RXRA: variants seen among roughly 807,000 people sequenced by gnomAD.
The protein encoded by RXRA is retinoic acid receptor RXR-alpha.
A neutral mutation model predicts 44.5 loss-of-function variants in RXRA; 5 were observed. The observed-to-expected ratio is 0.11, with a 90% CI of 0.06 to 0.24. The LOEUF is 0.24. RXRA is among the 10% of genes least tolerant of loss of function. The pLI is 1.00. For missense variants in RXRA, 412 were observed against 646.5 expected, an observed-to-expected ratio of 0.64 and a Z score of 3.93; for synonymous variants, 291 against 271.4, an observed-to-expected ratio of 1.07 and a Z score of -0.71.
At position 134,407,882 on chromosome 9, in the gene RXRA, G is replaced by A. The variant is rs1257184063; in HGVS notation, c.280-267G>A. On this transcript the variant is annotated intron_variant, in intron 2 of 9. Coordinates refer to ENST00000481739, the MANE Select transcript of RXRA (RefSeq NM_002957.6). The surrounding 1 kb of genome is among the most constrained non-coding windows in gnomAD (Gnocchi z 4.8). ...CAGGGACCGCCCATGTGTTGGGGGG[G>A]GTGTTGAAGGTCCTTTTCCACAGAG... Among the ~76,000 whole-genome samples, 1 of 152,052 alleles carries A rather than the reference G, an allele frequency of 6.6e-6. No individual in the cohort carries two copies. The highest frequency in any genetic ancestry group is 2.4e-5 in the African/African-American group (1 of 41,406).
intron 1 of RXRA, among the ~76,000 whole-genome samples, chr9:134,380,838 G>A (rs1451684344): frequency 6.6e-6 from 1 of 152,176 alleles, no homozygotes; most frequent in African/African-American, 2.4e-5. Context: ...GAGGTAAGGG[G>A]CTTTGAGCTG....
At position 134,435,890 on chromosome 9, in the gene RXRA, C is replaced by A. The variant is rs560586437; in HGVS notation, c.1242-577C>A. 1.2e-4 allele frequency among the ~76,000 whole-genome samples: 18 copies of A among 152,332 alleles called. No homozygotes were observed. The South Asian group carries it at 3.3e-3, about 28-fold the overall frequency. On this transcript the variant is annotated intron_variant, in intron 9 of 9. Transcript: ENST00000481739. ...CCACAGTTTTTCATTTTTTGAGAGA[C>A]AGTCTGGCTGTGTCGCCCAGGCTGG...
At chr9:134,367,530 G>A (rs1382793188) in intron 1 of RXRA, among the ~76,000 whole-genome samples, 4 of 152,258 alleles carry the variant, frequency 2.6e-5, no homozygotes, top group African/African-American at 9.6e-5. Flanking sequence ...GAGGTTCAGT[G>A]GTCGAGGAGC....
At chr9:134,326,905 G>C (rs1195250444) in intron 1 of RXRA, among the ~76,000 whole-genome samples, 1 of 149,608 alleles carries the variant, frequency 6.7e-6, no homozygotes, top group Non-Finnish European at 1.5e-5. Context: ...CGGGTGGCAG[G>C]TTCGCCCGGG....
rs1304912793 is a variant in RXRA, at chr9:134,417,186, G to A, written c.639G>A (p.Lys213=). 6.2e-7 allele frequency: 1 copy of A among 1,613,002 alleles called. No homozygotes were observed. Among genetic ancestry groups the A allele is most frequent in the East Asian group, 2.2e-5 (1 of 44,876 alleles). The change falls in exon 5 of 10, where the codon AAG becomes AAA. Residue 213 remains lysine (K), a synonymous_variant. Transcript: ENST00000481739. This position sits in a 1 kb window ranked among gnomAD's most constrained non-coding sequence, Gnocchi z 6.1. ...TGCAGGAGGAGCGGCAGCGTGGCAA[G>A]GACCGGAACGAGAATGAGGTGGAGT... ...EAVQEERQRG[K]DRNENEVEST...
chr9:134,359,012 A>G (rs949208122), intron 1 of RXRA, among the ~76,000 whole-genome samples: 1 of 152,192 alleles, frequency 6.6e-6, no homozygotes, highest in African/African-American at 2.4e-5. Flanking sequence ...AACAGGGTCC[A>G]GGGAGCATTC....
chr9:134,351,212 G>A (rs563037643), intron 1 of RXRA, among the ~76,000 whole-genome samples: 2 of 152,374 alleles, frequency 1.3e-5, no homozygotes, highest in African/African-American at 4.8e-5. Flanking sequence ...GAGGTGGCAG[G>A]TCTGGGGCTA....
intron 1 of RXRA, among the ~76,000 whole-genome samples, chr9:134,335,743 C>G (rs10881577): frequency 1.3e-5 from 2 of 152,014 alleles, no homozygotes; most frequent in African/African-American, 2.4e-5. Context: ...TGACTCCTAC[C>G]GGCGCCCATG....
chr9:134,330,938 C>T (rs1554746559), intron 1 of RXRA, among the ~76,000 whole-genome samples: 1 of 152,236 alleles, frequency 6.6e-6, no homozygotes, highest in Non-Finnish European at 1.5e-5. Context: ...TATCCTGTGG[C>T]TAGGTCCTCT....
intron 6 of RXRA, among the ~76,000 whole-genome samples, chr9:134,427,627 C>T (rs1831456397): frequency 6.6e-6 from 1 of 152,200 alleles, no homozygotes; most frequent in South Asian, 2.1e-4. Context: ...TGGGATTACT[C>T]AGTTGTGAAA....
chr9:134,422,314 G>T (rs1190623087), intron 6 of RXRA: 1 of 1,282,286 alleles, frequency 7.8e-7, no homozygotes, highest in South Asian at 1.2e-5. Flanking sequence ...CCCTTTCCCG[G>T]GACACTCCCC....
At chr9:134,430,659 GGTGCAGT>G (rs750508998) in intron 7 of RXRA, among the ~76,000 whole-genome samples, 3 of 152,212 alleles carry the variant, frequency 2.0e-5, no homozygotes, top group Admixed American at 6.5e-5. Flanking sequence ...GGGGCTGCAG[GGTGCAGT>G]GTGCAGTGTG....
Position 134,387,660 on chromosome 9 carries a change from C to T in RXRA, c.29-13972C>T, listed in dbSNP as rs531749589. 4.1e-4 allele frequency among the ~76,000 whole-genome samples: 63 copies of T among 152,366 alleles called. 1 individual carries two copies. In the East Asian group the frequency reaches 0.012, roughly 29 times the overall value. ...CGCAGTCCTTGACCAGGACCACCTG[C>T]CTCACAGAGCCGTCCATGAGCGTTC... is the stretch of plus-strand genomic sequence containing the variant. On this transcript the variant is annotated intron_variant, in intron 1 of 9. Transcript: ENST00000481739.
rs764586715 is a variant in RXRA at position 134,401,792 on chromosome 9, G to A, written c.189G>A (p.Pro63=). 7 of 1,612,986 alleles carry A rather than the reference G, an allele frequency of 4.3e-6. No homozygotes were observed. Among genetic ancestry groups the A allele is most frequent in the African/African-American group, 1.3e-5 (1 of 74,906 alleles). The part of the protein sequence containing the change: ...TLSSPINGMG[P]PFSVISSPMG... ...GCTCCCCCATCAACGGCATGGGCCC[G>A]CCTTTCTCGGTCATCAGCTCCCCCA... is the stretch of plus-strand genomic sequence containing the variant. The change falls in exon 2 of 10, where the codon CCG becomes CCA. Residue 63 remains proline (P), a synonymous_variant. Transcript: ENST00000481739.
chr9:134,331,879 A>C (rs1554746691), intron 1 of RXRA, among the ~76,000 whole-genome samples: 1 of 152,138 alleles, frequency 6.6e-6, no homozygotes, highest in African/African-American at 2.4e-5. Flanking sequence ...CCTGCCTCTC[A>C]GCATCCTCAG....
intron 6 of RXRA, chr9:134,422,523 C>A (rs1831362489): frequency 8.2e-7 from 1 of 1,222,678 alleles, no homozygotes; most frequent in Non-Finnish European, 1.1e-6. Context: ...CCGGGACACT[C>A]CCCCCTTCCG....
At chr9:134,373,665 A>C (rs931608583) in intron 1 of RXRA, among the ~76,000 whole-genome samples, 2 of 151,998 alleles carry the variant, frequency 1.3e-5, no homozygotes, top group African/African-American at 4.8e-5. Flanking sequence ...GTCGGAGCCT[A>C]CTGGGTTGTA....
chr9:134,417,141 C>G lies in RXRA; in HGVS notation c.611-17C>G. 1 of 1,604,272 alleles carries G rather than the reference C, an allele frequency of 6.2e-7. No individual in the cohort carries two copies. On this transcript the variant is annotated splice_polypyrimidine_tract_variant and intron_variant, in intron 4 of 9. Transcript: ENST00000481739. This position sits in a 1 kb window ranked among gnomAD's most constrained non-coding sequence, Gnocchi z 6.1. ...CCGGGCTGAGCGTGGGGCTCACCTG[C>G]GCCTCCCGGGTTGTAGCCGTGCAGG...
At chr9:134,339,303 C>T (rs1830053046) in intron 1 of RXRA, among the ~76,000 whole-genome samples, 2 of 152,268 alleles carry the variant, frequency 1.3e-5, no homozygotes, top group African/African-American at 4.8e-5. Flanking sequence ...CCAGACCCTC[C>T]TCTGTCTGCG....
Sources: gnomAD v4.1 joint callset for allele counts (sites outside exome capture counted in the v4.1 genomes callset) on GRCh38, gnomAD v4.1.1 for gene constraint, Gnocchi (gnomAD v3.1) non-coding constraint, MANE v1.5 for transcripts, NCBI Gene and HGNC (gene_info 2026-07-23, HGNC 2026-07-21) for gene names.